Variants in GPC5 observed in about 807,000 individuals in gnomAD.
GPC5 encodes glypican-5.
GPC5 carries 47 observed loss-of-function variants against 53.9 expected under a neutral mutation model. That is an observed-to-expected ratio of 0.87 (90% CI 0.69 to 1.11). GPC5 has a LOEUF of 1.11. Ranked by LOEUF, GPC5 falls within the 50% of genes most tolerant of loss-of-function variation. GPC5 has a pLI of 0.00. For synonymous variants in GPC5, 286 were observed against 263.3 expected (o/e 1.09, Z -0.84); for missense variants, 748 against 713.1 (o/e 1.05, Z -0.56).
At chr13:91,701,793 A>G (rs2035998639) in intron 3 of GPC5, among the ~76,000 whole-genome samples, 1 of 152,188 alleles carries the variant, frequency 6.6e-6, no homozygotes, top group Non-Finnish European at 1.5e-5. Context: ...CTGATTTCAT[A>G]TCTTTTCGAT....
intron 7 of GPC5, among the ~76,000 whole-genome samples, chr13:92,342,981 C>T (rs1427558015): frequency 1.3e-5 from 2 of 152,088 alleles, no homozygotes; most frequent in Non-Finnish European, 2.9e-5. Flanking sequence ...TATTTTGCCT[C>T]ACCATCTACA....
chr13:91,416,551 C>T lies in GPC5; in HGVS notation c.163+17342C>T, dbSNP rs536074396. Among the ~76,000 whole-genome samples the T allele has an allele frequency of 1.2e-4, 18 of 151,816 alleles. No individual in the cohort carries two copies. In the South Asian group the frequency reaches 1.7e-3, roughly 14 times the overall value. On this transcript the variant is annotated intron_variant, in intron 1 of 7. Transcript: ENST00000377067. ...GTATACATGTGCCATGTTGGTTTGCCGCACCCATCAACTCGTCCTTTACAT... is the reference window on the plus strand; with the variant it reads ...GTATACATGTGCCATGTTGGTTTGCTGCACCCATCAACTCGTCCTTTACAT...
intron 7 of GPC5, among the ~76,000 whole-genome samples, chr13:92,203,057 C>A (rs1283313917): frequency 6.6e-6 from 1 of 152,132 alleles, no homozygotes; most frequent in Non-Finnish European, 1.5e-5. Context: ...TATTCACCCC[C>A]ATAGAACTAG....
intron 6 of GPC5, among the ~76,000 whole-genome samples, chr13:92,143,532 A>G (rs1362320463): frequency 6.6e-6 from 1 of 152,158 alleles, no homozygotes; most frequent in Non-Finnish European, 1.5e-5. Context: ...TGATCTTGAA[A>G]GAAGACTTCT....
At chr13:92,433,988 C>T (rs1044807901) in intron 7 of GPC5, among the ~76,000 whole-genome samples, 2 of 152,116 alleles carry the variant, frequency 1.3e-5, no homozygotes, top group East Asian at 1.9e-4. Context: ...AGGGATATGT[C>T]GTACTTCTGT....
intron 5 of GPC5, among the ~76,000 whole-genome samples, chr13:91,862,157 A>T (rs2039036923): frequency 6.6e-6 from 1 of 152,102 alleles, no homozygotes; most frequent in East Asian, 1.9e-4. Flanking sequence ...TTTTGATTTG[A>T]TGTTATTTCC....
chr13:92,812,244 CTTCT>C (rs908947451), intron 7 of GPC5, among the ~76,000 whole-genome samples: 19 of 151,832 alleles, frequency 1.3e-4, no homozygotes, highest in African/African-American at 4.4e-4. Context: ...TTGTATATAT[CTTCT>C]TTAATTTTCA....
Position 92,647,515 on chromosome 13 carries a change from G to T in GPC5, c.1562-218767G>T, listed in dbSNP as rs1654500242. ...GGAACTAGAAAATTCCTCCTCTCCG[G>T]TTGAAGACATGACAAGGAATCTTGG... On this transcript the variant is annotated intron_variant, in intron 7 of 7. Transcript: ENST00000377067. Among the ~76,000 whole-genome samples the T allele has an allele frequency of 2.0e-5, 3 of 152,024 alleles. No homozygotes were observed. In the South Asian group the frequency reaches 6.2e-4, roughly 32 times the overall value.
chr13:92,045,236 A>G (rs138827122), intron 6 of GPC5, among the ~76,000 whole-genome samples: 1 of 152,286 alleles, frequency 6.6e-6, no homozygotes, highest in East Asian at 1.9e-4. Flanking sequence ...TCAAGAGTAA[A>G]ATGTGTCGTG....
intron 6 of GPC5, among the ~76,000 whole-genome samples, chr13:92,136,596 A>G (rs1203733349): frequency 2.0e-5 from 3 of 152,232 alleles, no homozygotes; most frequent in Admixed American, 6.5e-5. Context: ...TTCTAAACAC[A>G]TATTTACTTC....
At chr13:92,416,315 G>A (rs999255884) in intron 7 of GPC5, among the ~76,000 whole-genome samples, 25 of 152,180 alleles carry the variant, frequency 1.6e-4, no homozygotes, top group Admixed American at 1.6e-3. Flanking sequence ...AGTTTAAGGT[G>A]TAAGAAGGGA....
At chr13:91,893,443 T>C (rs2039409138) in intron 5 of GPC5, among the ~76,000 whole-genome samples, 1 of 152,090 alleles carries the variant, frequency 6.6e-6, no homozygotes, top group African/African-American at 2.4e-5. Flanking sequence ...CTGAAGAGAA[T>C]TTTTAAAGGG....
At chr13:92,618,901 C>T (rs61975868) in intron 7 of GPC5, among the ~76,000 whole-genome samples, 1 of 151,798 alleles carries the variant, frequency 6.6e-6, no homozygotes, top group African/African-American at 2.4e-5. Context: ...TGAAGTAAAA[C>T]AATTGAAGAA....
intron 7 of GPC5, among the ~76,000 whole-genome samples, chr13:92,634,532 T>A (rs1885353916): frequency 6.6e-6 from 1 of 152,138 alleles, no homozygotes; most frequent in African/African-American, 2.4e-5. Flanking sequence ...TTTACTTTTA[T>A]AACTATGCTT....
At chr13:92,848,654 T>C (rs1046032674) in intron 7 of GPC5, among the ~76,000 whole-genome samples, 1 of 152,116 alleles carries the variant, frequency 6.6e-6, no homozygotes, top group African/African-American at 2.4e-5. Flanking sequence ...TCTGTGTGTG[T>C]GTCTATATAT....
chr13:92,118,048 T>TC (rs2041614806), intron 6 of GPC5, among the ~76,000 whole-genome samples: 1 of 152,076 alleles, frequency 6.6e-6, no homozygotes, highest in Non-Finnish European at 1.5e-5. Context: ...AATCAGAGAG[T>TC]CGCCATTAAG....
In GPC5 at chr13:91,534,774, GTTGT is replaced by G. The variant is rs563106088; in HGVS notation, c.325+85871_325+85874del. On this transcript the variant is annotated intron_variant, in intron 2 of 7. Transcript: ENST00000377067. Reference sequence around the variant, plus strand: ...CCTCAATTTCTCTGAAATCCTGTTTGTTGTTTGTTTGTTTGTTTGTTTTGTTTTG... The same window carrying G: ...CCTCAATTTCTCTGAAATCCTGTTTGTTGTTTGTTTGTTTGTTTTGTTTTG... Among the ~76,000 whole-genome samples the G allele has an allele frequency of 9.9e-5, 15 of 152,092 alleles. No individual in the cohort carries two copies. In the South Asian group the frequency reaches 1.0e-3, roughly 11 times the overall value.
chr13:92,846,379 T>C (rs1224918389), intron 7 of GPC5, among the ~76,000 whole-genome samples: 3 of 152,288 alleles, frequency 2.0e-5, no homozygotes, highest in South Asian at 2.1e-4. Flanking sequence ...TCATATTACA[T>C]AGAAAGACAC....
At chr13:92,006,380 T>A (rs1175260381) in intron 6 of GPC5, among the ~76,000 whole-genome samples, 1 of 152,190 alleles carries the variant, frequency 6.6e-6, no homozygotes, top group African/African-American at 2.4e-5. Context: ...CTAGTTGCCT[T>A]ATCTGGAAAA....
Sources: allele counts gnomAD v4.1 joint callset (sites outside exome capture counted in the v4.1 genomes callset), GRCh38; gene constraint gnomAD v4.1.1; transcripts MANE v1.5; gene names NCBI Gene and HGNC (gene_info 2026-07-23, HGNC 2026-07-21).